Variants in SNTB2 observed in about 807,000 individuals in gnomAD.
SNTB2 encodes syntrophin beta 2, also known as beta-2-syntrophin.
In SNTB2, 34 loss-of-function variants were observed where a neutral mutation model predicts 46.2. That is an observed-to-expected ratio of 0.74 (90% CI 0.56 to 0.98). The LOEUF is 0.98. Ranked by LOEUF, SNTB2 falls within the 50% of genes least tolerant of loss-of-function variation. The pLI is 0.00. For missense variants in SNTB2, 603 were observed against 731.4 expected (o/e 0.82, Z 2.02); for synonymous variants, 290 against 312.6 (o/e 0.93, Z 0.76).
intron 3 of SNTB2, among the ~76,000 whole-genome samples, chr16:69,263,070 C>T (rs1330835780): frequency 1.3e-5 from 2 of 151,946 alleles, no homozygotes; most frequent in Admixed American, 1.3e-4. Flanking sequence ...CCCCATCTAC[C>T]CCTTACCTCA....
chr16:69,300,748 C>A, intron 6 of SNTB2, 84 bp from the exon 7 acceptor site: 2 of 948,484 alleles, frequency 2.1e-6, no homozygotes, highest in South Asian at 1.3e-5. Flanking sequence ...TCTTTACCTA[C>A]CTTAAATTTA....
chr16:69,211,771 G>A (rs1964290062), intron 1 of SNTB2, among the ~76,000 whole-genome samples: 1 of 152,136 alleles, frequency 6.6e-6, no homozygotes, highest in South Asian at 2.1e-4. Context: ...TTATACTAAT[G>A]TCCTGGTCAC....
At chr16:69,257,927 G>A (rs1964794863) in intron 2 of SNTB2, among the ~76,000 whole-genome samples, 1 of 152,188 alleles carries the variant, frequency 6.6e-6, no homozygotes, top group South Asian at 2.1e-4. Flanking sequence ...TTGGCATGTA[G>A]TAGGTGCTCA....
intron 1 of SNTB2, among the ~76,000 whole-genome samples, chr16:69,222,557 C>T (rs981234384): frequency 1.6e-4 from 23 of 148,186 alleles, no homozygotes; most frequent in African/African-American, 5.5e-4. Context: ...CATGCCACTG[C>T]ACTCCAGCCC....
intron 1 of SNTB2, among the ~76,000 whole-genome samples, chr16:69,214,274 G>A (rs1964324011): frequency 6.6e-6 from 1 of 151,332 alleles, no homozygotes; most frequent in African/African-American, 2.4e-5. Flanking sequence ...GGGATCACAA[G>A]TGTGCACCAC....
chr16:69,266,140 G>A (rs1964881422), intron 3 of SNTB2, among the ~76,000 whole-genome samples: 4 of 152,138 alleles, frequency 2.6e-5, no homozygotes, highest in Admixed American at 2.6e-4. Flanking sequence ...TGAGGTGGGT[G>A]GATCACCTGA....
At chr16:69,233,435 C>A (rs931641754) in intron 1 of SNTB2, among the ~76,000 whole-genome samples, 1 of 151,980 alleles carries the variant, frequency 6.6e-6, no homozygotes, top group African/African-American at 2.4e-5. Context: ...GACAGGAGAT[C>A]AAGATTGGGT....
At chr16:69,190,710 A>AG (rs1169466578) in intron 1 of SNTB2, among the ~76,000 whole-genome samples, 1 of 152,198 alleles carries the variant, frequency 6.6e-6, no homozygotes, top group Non-Finnish European at 1.5e-5. Flanking sequence ...GACATTAAAA[A>AG]GCTATTCTAG....
intron 3 of SNTB2, among the ~76,000 whole-genome samples, chr16:69,264,549 G>C (rs1202092421): frequency 6.6e-6 from 1 of 152,204 alleles, no homozygotes; most frequent in Non-Finnish European, 1.5e-5. Flanking sequence ...ATAAAAGCAA[G>C]CATCACTATT....
At chr16:69,272,119 T>C (rs1489488297) in intron 4 of SNTB2, among the ~76,000 whole-genome samples, 1 of 152,140 alleles carries the variant, frequency 6.6e-6, no homozygotes, top group African/African-American at 2.4e-5. Flanking sequence ...AATAGATAAA[T>C]TGGACTTTCA....
At chr16:69,220,310 C>T (rs1964389828) in intron 1 of SNTB2, among the ~76,000 whole-genome samples, 2 of 149,380 alleles carry the variant, frequency 1.3e-5, no homozygotes, top group African/African-American at 4.9e-5. Context: ...TACAGGCGCC[C>T]GCCACCACAC....
chr16:69,217,762 A>G (rs1234964754), intron 1 of SNTB2, among the ~76,000 whole-genome samples: 1 of 152,222 alleles, frequency 6.6e-6, no homozygotes, highest in Non-Finnish European at 1.5e-5. Flanking sequence ...GACTTAGAAG[A>G]AGTTTTCTGA....
rs568753172 is a variant in SNTB2 at position 69,306,057 on chromosome 16, TG to T, written c.*5135del. ...ATTATTCCTATGCTGTGATGTTAAA[TG>T]GAATTTATTTTACACTAGTAATAGA... is the stretch of plus-strand genomic sequence containing the variant. On this transcript the variant is annotated 3_prime_UTR_variant, in exon 7 of 7. Coordinates refer to ENST00000336278, the MANE Select transcript of SNTB2 (RefSeq NM_006750.4). 161 of 152,294 alleles carry T rather than the reference TG, an allele frequency of 1.1e-3. 2 individuals are homozygous for T. The highest frequency in any genetic ancestry group is 3.5e-3 in the African/African-American group (146 of 41,550). 9.4% of individuals were successfully genotyped at this position (152,294 alleles called of 1,614,324 possible). A position where few individuals can be genotyped will look rare whatever the true frequency, so the allele number is the denominator to read the frequency against.
chr16:69,248,995 A>G (rs1008681862), intron 2 of SNTB2, among the ~76,000 whole-genome samples: 3 of 150,152 alleles, frequency 2.0e-5, no homozygotes, highest in African/African-American at 7.3e-5. Flanking sequence ...AAAAGTATAG[A>G]GTCAATTTTG....
chr16:69,256,175 A>C (rs1484768858), intron 2 of SNTB2, among the ~76,000 whole-genome samples: 1 of 151,988 alleles, frequency 6.6e-6, no homozygotes, highest in Non-Finnish European at 1.5e-5. Flanking sequence ...GAAAGAGCGA[A>C]ACTCCGTCTC....
At chr16:69,217,468 G>A (rs1964360460) in intron 1 of SNTB2, among the ~76,000 whole-genome samples, 2 of 152,044 alleles carry the variant, frequency 1.3e-5, no homozygotes, top group Non-Finnish European at 2.9e-5. Context: ...GCAAGACCCT[G>A]TCTCAAAAAA....
chr16:69,284,000 G>T lies in SNTB2; in HGVS notation c.1149-48G>T, dbSNP rs191675630. On this transcript the variant is annotated intron_variant, in intron 4 of 6. Coordinates refer to ENST00000336278, the MANE Select transcript of SNTB2 (RefSeq NM_006750.4). ...ATGAGCACAAATTCCTGACATTTTTGTCTGATAATGTAGTTACTTTTGATC... is the reference window on the plus strand; with the variant it reads ...ATGAGCACAAATTCCTGACATTTTTTTCTGATAATGTAGTTACTTTTGATC... The T allele has an allele frequency of 5.2e-5, 77 of 1,479,760 alleles. No homozygotes were observed. The African/African-American group carries it at 8.6e-4, about 16-fold the overall frequency. The allele number at this position is 1,479,760 out of a possible 1,614,324, so 91.7% of individuals were successfully genotyped here.
At chr16:69,237,583 T>TTTTCTTTC (rs1226861520) in intron 1 of SNTB2, among the ~76,000 whole-genome samples, 6 of 144,800 alleles carry the variant, frequency 4.1e-5, no homozygotes, top group African/African-American at 1.6e-4. Context: ...ATTTCTTTTT[T>TTTTCTTTC]TTTCTTTCTT....
chr16:69,212,385 C>T (rs891738675), intron 1 of SNTB2, among the ~76,000 whole-genome samples: 2 of 152,058 alleles, frequency 1.3e-5, no homozygotes. Flanking sequence ...TGTCACCAGG[C>T]TGGACTGCAG....
Sources: gnomAD v4.1 joint callset for allele counts (sites outside exome capture counted in the v4.1 genomes callset) on GRCh38, gnomAD v4.1.1 for gene constraint, MANE v1.5 for transcripts, NCBI Gene and HGNC (gene_info 2026-07-23, HGNC 2026-07-21) for gene names.